ROBO2: variants seen among roughly 807,000 people sequenced by gnomAD.
ROBO2 encodes roundabout guidance receptor 2.
ROBO2 carries 53 observed loss-of-function variants against 160.8 expected under a neutral mutation model. The ratio of observed to expected loss-of-function variants is 0.33; its 90% CI spans 0.26 to 0.41. The LOEUF is 0.41. Ranked by LOEUF, ROBO2 falls within the 10% of genes least tolerant of loss-of-function variation. The probability of loss-of-function intolerance (pLI) is 1.00; values close to 1 mark genes in which losing one functional copy is unlikely to be tolerated. For missense variants in ROBO2, 1,577 were observed against 1,722.4 expected (o/e 0.92, Z 1.49); for synonymous variants, 664 against 611.7 (o/e 1.09, Z -1.26).
intron 2 of ROBO2, among the ~76,000 whole-genome samples, chr3:76,702,478 C>T (rs1413324511): frequency 6.6e-6 from 1 of 151,874 alleles, no homozygotes; most frequent in Non-Finnish European, 1.5e-5. Flanking sequence ...GAAAACCACA[C>T]ACACACATTC....
intron 2 of ROBO2, among the ~76,000 whole-genome samples, chr3:76,275,219 T>C (rs1707850763): frequency 6.6e-6 from 1 of 152,204 alleles, no homozygotes; most frequent in African/African-American, 2.4e-5. Flanking sequence ...GATGAGTAGT[T>C]TGAGTTTAGC....
At chr3:77,244,770 C>T (rs1044106322) in intron 2 of ROBO2, among the ~76,000 whole-genome samples, 4 of 150,710 alleles carry the variant, frequency 2.7e-5, no homozygotes, top group Admixed American at 6.6e-5. Flanking sequence ...CCCAGCTACT[C>T]GGGAGGCTGA....
Position 77,374,169 on chromosome 3 carries a change from C to CAAAAAAA in ROBO2, c.389-103217_389-103211dup, listed in dbSNP as rs60357417. 2.5e-4 allele frequency among the ~76,000 whole-genome samples: 10 copies of CAAAAAAA among 40,106 alleles called. 1 individual carries two copies. Among genetic ancestry groups the CAAAAAAA allele is most frequent in the African/African-American group, 1.5e-3 (10 of 6,758 alleles). 26.3% of individuals were successfully genotyped at this position (40,106 alleles called of 152,430 possible). On this transcript the variant is annotated intron_variant, in intron 2 of 25. Transcript: ENST00000461745. ...CAGGCCGACAACAGCGAGACTCCAT[C>CAAAAAAA]AAAAAAAAAAAAAAAAAAAAAAAAA... is the stretch of plus-strand genomic sequence containing the variant.
rs140334919 is a variant in ROBO2 at position 76,025,464 on chromosome 3, T to A, written c.109+87862T>A. Among the ~76,000 whole-genome samples the A allele has an allele frequency of 2.4e-3, 359 of 151,860 alleles. 1 individual carries two copies. Among genetic ancestry groups the A allele is most frequent in the African/African-American group, 6.3e-3 (260 of 41,510 alleles). ...CAGGGTGAAAATCACCTTCTCTTTA[T>A]TGAAAACATTGACACTATAGATCAT... On this transcript the variant is annotated intron_variant, in intron 2 of 26. Coordinates refer to the ROBO2 transcript ENST00000487694.
At chr3:77,596,555 G>T in intron 18 of ROBO2, 68 bp from the exon 20 acceptor site, 1 of 1,585,724 alleles carries the variant, frequency 6.3e-7, no homozygotes, top group Middle Eastern at 1.7e-4. Context: ...GCTTTATATT[G>T]CATGAGACGA....
intron 2 of ROBO2, among the ~76,000 whole-genome samples, chr3:76,324,153 T>G (rs1259724693): frequency 6.6e-6 from 1 of 152,136 alleles, no homozygotes; most frequent in African/African-American, 2.4e-5. Context: ...CATAACACTA[T>G]TTAAAGGAAG....
intron 2 of ROBO2, among the ~76,000 whole-genome samples, chr3:76,808,524 T>TA (rs1440635084): frequency 4.6e-5 from 7 of 152,064 alleles, no homozygotes; most frequent in African/African-American, 1.4e-4. Flanking sequence ...AATGTAAATA[T>TA]AAAAAAGTTA....
chr3:76,682,086 A>G (rs115948710), intron 2 of ROBO2, among the ~76,000 whole-genome samples: 1 of 152,242 alleles, frequency 6.6e-6, no homozygotes, highest in African/African-American at 2.4e-5. Flanking sequence ...AACAAAGAAG[A>G]AGGACACATT....
intron 2 of ROBO2, among the ~76,000 whole-genome samples, chr3:76,147,577 T>C (rs186441875): frequency 6.6e-6 from 1 of 152,176 alleles, no homozygotes; most frequent in East Asian, 1.9e-4. Context: ...CTCAAAGTAC[T>C]TAAGTTTGCA....
At chr3:77,403,108 T>G (rs2153513973) in intron 2 of ROBO2, among the ~76,000 whole-genome samples, 1 of 152,334 alleles carries the variant, frequency 6.6e-6, no homozygotes, top group African/African-American at 2.4e-5. Context: ...TAATTATAAC[T>G]GACAAAATTA....
At chr3:76,724,720 C>A (rs1232301202) in intron 2 of ROBO2, among the ~76,000 whole-genome samples, 1 of 152,138 alleles carries the variant, frequency 6.6e-6, no homozygotes, top group Non-Finnish European at 1.5e-5. Flanking sequence ...AAAGATATCA[C>A]ACCCTAATCT....
chr3:77,183,317 T>G (rs749941019), intron 2 of ROBO2, among the ~76,000 whole-genome samples: 1 of 152,156 alleles, frequency 6.6e-6, no homozygotes, highest in Non-Finnish European at 1.5e-5. Context: ...ATAATACTTA[T>G]GGGCTGAGTT....
At chr3:76,016,845 C>A (rs2066420089) in intron 2 of ROBO2, among the ~76,000 whole-genome samples, 1 of 151,710 alleles carries the variant, frequency 6.6e-6, no homozygotes, top group Non-Finnish European at 1.5e-5. Flanking sequence ...TTTTTCTATT[C>A]CTAAAAATAA....
At chr3:76,939,500 C>T (rs755340079) in intron 2 of ROBO2, among the ~76,000 whole-genome samples, 6 of 152,058 alleles carry the variant, frequency 3.9e-5, no homozygotes, top group Non-Finnish European at 7.4e-5. Context: ...GTTTAAATCC[C>T]CTCTTCTAAG....
intron 2 of ROBO2, among the ~76,000 whole-genome samples, chr3:76,524,863 A>T (rs796568267): frequency 0.045 from 5,200 of 116,486 alleles, 317 homozygotes; most frequent in East Asian, 0.13. Flanking sequence ...AAAAAAAAAA[A>T]AAATAAGTAA....
chr3:77,587,432 C>T (rs1211759449), intron 16 of ROBO2, among the ~76,000 whole-genome samples: 2 of 152,072 alleles, frequency 1.3e-5, no homozygotes, highest in South Asian at 2.1e-4. Context: ...GCAGGATTCT[C>T]AAATCTAGAT....
chr3:76,003,600 A>C lies in ROBO2; in HGVS notation c.109+65998A>C, dbSNP rs74427334. ...TTTGAAAAAATACAGTTGGCCTTTC[A>C]TGTGTATGAGCTCCACATTCGCAGA... On this transcript the variant is annotated intron_variant, in intron 2 of 26. Coordinates refer to the ROBO2 transcript ENST00000487694. Among the ~76,000 whole-genome samples, 419 of 152,320 alleles carry C rather than the reference A, an allele frequency of 2.8e-3. 1 individual carries two copies. Among genetic ancestry groups the C allele is most frequent in the East Asian group, 6.2e-3 (32 of 5,186 alleles).
At chr3:77,321,503 A>C (rs1355272547) in intron 2 of ROBO2, among the ~76,000 whole-genome samples, 1 of 152,102 alleles carries the variant, frequency 6.6e-6, no homozygotes, top group Non-Finnish European at 1.5e-5. Flanking sequence ...TGAGTGACAG[A>C]GAGAGAGACC....
intron 2 of ROBO2, among the ~76,000 whole-genome samples, chr3:77,264,536 A>C: frequency 7.3e-6 from 1 of 136,760 alleles, no homozygotes; most frequent in East Asian, 2.1e-4. Flanking sequence ...CATGTTCATA[A>C]TGTTTTTTTT....
Sources: gnomAD v4.1 joint callset for allele counts (sites outside exome capture counted in the v4.1 genomes callset) on GRCh38, gnomAD v4.1.1 for gene constraint, MANE v1.5 for transcripts, NCBI Gene and HGNC (gene_info 2026-07-23, HGNC 2026-07-21) for gene names.